RAG1: variants seen among roughly 807,000 people sequenced by gnomAD.
The protein encoded by RAG1 is V(D)J recombination-activating protein 1.
Under a neutral mutation model 62.7 loss-of-function variants are expected in RAG1, and 35 were observed. The observed-to-expected ratio is 0.56, with a 90% CI of 0.43 to 0.74. RAG1 has a LOEUF of 0.74. Ranked by LOEUF, RAG1 falls within the 30% of genes least tolerant of loss-of-function variation. RAG1 has a pLI of 0.00. For synonymous variants in RAG1, 461 were observed against 470.3 expected, an observed-to-expected ratio of 0.98 and a Z score of 0.26; for missense variants, 1,169 against 1,278.6, an observed-to-expected ratio of 0.91 and a Z score of 1.31.
Position 36,577,827 on chromosome 11 carries a change from G to A in RAG1, c.*1391G>A, listed in dbSNP as rs1850875260. On this transcript the variant is annotated 3_prime_UTR_variant, in exon 2 of 2. Coordinates refer to ENST00000299440, the MANE Select transcript of RAG1 (RefSeq NM_000448.3). ...ATAAGGTAGTATCAGAATTTTTTTA[G>A]GATTCACAACTAATCACTATAGCAC... The A allele has an allele frequency of 1.8e-5, 3 of 166,974 alleles. No individual in the cohort carries two copies. The highest frequency in any genetic ancestry group is 1.3e-4 in the Admixed American group (2 of 15,254). The allele number at this position is 166,974 out of a possible 1,614,324, so 10.3% of individuals were successfully genotyped here. A position where few individuals can be genotyped will look rare whatever the true frequency, so the allele number is the denominator to read the frequency against.
chr11:36,523,797 A>T (rs1326969369), intron 2 of RAG1, among the ~76,000 whole-genome samples: 1 of 152,192 alleles, frequency 6.6e-6, no homozygotes, highest in East Asian at 1.9e-4. Context: ...CAATTATAAG[A>T]TATAAGAAAT....
At chr11:36,524,126 C>T (rs1292707748) in intron 2 of RAG1, among the ~76,000 whole-genome samples, 1 of 152,020 alleles carries the variant, frequency 6.6e-6, no homozygotes, top group African/African-American at 2.4e-5. Flanking sequence ...TCTGTGTGAA[C>T]ATAAATTTTC....
At chr11:36,527,647 A>G (rs945751386) in intron 2 of RAG1, among the ~76,000 whole-genome samples, 3 of 152,132 alleles carry the variant, frequency 2.0e-5, no homozygotes, top group Middle Eastern at 3.2e-3. Flanking sequence ...TGTTGGGGAT[A>G]GCATTGAATC....
intron 3 of RAG1, among the ~76,000 whole-genome samples, chr11:36,544,450 A>G (rs1192517430): frequency 6.6e-6 from 1 of 152,086 alleles, no homozygotes; most frequent in Non-Finnish European, 1.5e-5. Context: ...GAATCTAAGA[A>G]TTTCTCTCTA....
At chr11:36,566,299 C>A (rs1379844987), upstream of RAG1, 1 of 152,164 alleles carries the variant, frequency 6.6e-6, no homozygotes, top group Admixed American at 6.5e-5. Context: ...CGGTGCTAAA[C>A]CAAGGAAAGT....
chr11:36,536,574 C>T (rs567983781), downstream of RAG1, among the ~76,000 whole-genome samples: 14 of 151,878 alleles, frequency 9.2e-5, no homozygotes, highest in East Asian at 1.6e-3. Flanking sequence ...AAACATTAAT[C>T]GTACTGTGCA....
At chr11:36,523,064 T>A (rs2133696903) in intron 2 of RAG1, among the ~76,000 whole-genome samples, 1 of 152,294 alleles carries the variant, frequency 6.6e-6, no homozygotes, top group East Asian at 1.9e-4. Context: ...ACTTTTGAGT[T>A]AATGCTGAAA....
Position 36,524,932 on chromosome 11 carries a change from C to G in RAG1, n.428+4703C>G, listed in dbSNP as rs917601268. 2.6e-5 allele frequency among the ~76,000 whole-genome samples: 4 copies of G among 152,144 alleles called. No individual in the cohort carries two copies. In the East Asian group the frequency reaches 5.8e-4, roughly 22 times the overall value. On this transcript the variant is annotated intron_variant and non_coding_transcript_variant, in intron 2 of 2. Coordinates refer to the RAG1 transcript ENST00000529126. ...CCCATTTTCTAATTGGATTGTTAGT[C>G]TTTTTTACTGTGATTCATTTTGAGT...
At chr11:36,545,766 T>A (rs1850384017) in intron 3 of RAG1, among the ~76,000 whole-genome samples, 1 of 152,216 alleles carries the variant, frequency 6.6e-6, no homozygotes, top group African/African-American at 2.4e-5. Flanking sequence ...AAATAAAGTT[T>A]AAGCTGTGTC....
chr11:36,527,828 G>A (rs1744089862), intron 2 of RAG1, among the ~76,000 whole-genome samples: 1 of 151,952 alleles, frequency 6.6e-6, no homozygotes, highest in African/African-American at 2.4e-5. Flanking sequence ...TATTCTCTTT[G>A]TGGCAATTGT....
intron 1 of RAG1, among the ~76,000 whole-genome samples, chr11:36,512,796 A>C (rs5030404): frequency 4.8e-4 from 73 of 152,348 alleles, no homozygotes; most frequent in African/African-American, 1.8e-3. Flanking sequence ...CTTTACTTTT[A>C]ATGGAAAAAA....
At chr11:36,516,960 G>A (rs1041988886) in intron 1 of RAG1, among the ~76,000 whole-genome samples, 9 of 152,182 alleles carry the variant, frequency 5.9e-5, no homozygotes, top group Non-Finnish European at 1.3e-4. Flanking sequence ...GAGGTTTATC[G>A]TTTAGGAAGT....
intron 3 of RAG1, among the ~76,000 whole-genome samples, chr11:36,551,206 T>A (rs1342572611): frequency 6.6e-6 from 1 of 152,154 alleles, no homozygotes; most frequent in African/African-American, 2.4e-5. Context: ...TGTATGTGCC[T>A]CAATGATAAG....
downstream of RAG1, among the ~76,000 whole-genome samples, chr11:36,536,607 T>G (rs1459201649): frequency 1.5e-5 from 2 of 134,538 alleles, no homozygotes; most frequent in African/African-American, 2.8e-5. Context: ...GTATGTGTAA[T>G]ATACTTCAAA....
chr11:36,576,667 A>T lies in RAG1; in HGVS notation c.*231A>T. On this transcript the variant is annotated 3_prime_UTR_variant, in exon 2 of 2. Transcript: ENST00000299440. ...GCAACAGGAAAAATCAGTTATCTGA[A>T]AGCTCAGTAACTCAGAACAGGAGTA... The T allele has an allele frequency of 1.8e-6, 1 of 567,054 alleles. No homozygotes were observed. Among genetic ancestry groups the T allele is most frequent in the Non-Finnish European group, 3.2e-6 (1 of 309,468 alleles). The allele number at this position is 567,054 out of a possible 1,614,324, so 35.1% of individuals were successfully genotyped here. A position where few individuals can be genotyped will look rare whatever the true frequency, so the allele number is the denominator to read the frequency against.
upstream of RAG1, among the ~76,000 whole-genome samples, chr11:36,566,903 A>G (rs1290958598): frequency 6.6e-6 from 1 of 152,206 alleles, no homozygotes; most frequent in Admixed American, 6.5e-5. Flanking sequence ...AGCACAGAAC[A>G]GTGAAATCCT....
At chr11:36,519,792 A>G (rs145703976) in intron 1 of RAG1, among the ~76,000 whole-genome samples, 124 of 152,264 alleles carry the variant, frequency 8.1e-4, no homozygotes, top group Non-Finnish European at 1.2e-3. Flanking sequence ...AAACCAAATG[A>G]ACATAACCCC....
At chr11:36,557,386 G>C (rs1426993668) in intron 3 of RAG1, among the ~76,000 whole-genome samples, 2 of 131,960 alleles carry the variant, frequency 1.5e-5, no homozygotes, top group Non-Finnish European at 1.6e-5. Context: ...AGGTGCGTCC[G>C]TCACCCCTTT....
Position 36,573,992 on chromosome 11 carries a change from T to G in RAG1, c.688T>G (p.Leu230Val). The change falls in exon 2 of 2, where the codon TTG (leucine) becomes GTG (valine). Residue 230 changes from leucine to valine, a missense_variant. Physicochemically the swap from Leu to Val is conservative, Grantham distance 32 (BLOSUM62 1). This residue lies in a region of RAG1 where 369 missense variants were observed against 335.3 expected (regional missense o/e 1.10). Transcript: ENST00000299440. ...CAAGAGGAAGAGTCTTCAGCCAAAC[T>G]TGCAGCTCAGCAAAAAACTCAAAAC... ...GLKRKSLQPN[L>V]QLSKKLKTVL... The G allele has an allele frequency of 6.2e-7, 1 of 1,614,096 alleles. No homozygotes were observed. The highest frequency in any genetic ancestry group is 1.7e-5 in the Admixed American group (1 of 60,014).
Sources: allele counts gnomAD v4.1 joint callset (sites outside exome capture counted in the v4.1 genomes callset), GRCh38; gene constraint gnomAD v4.1.1; regional missense constraint gnomAD v4.1.1; transcripts MANE v1.5; gene names NCBI Gene and HGNC (gene_info 2026-07-23, HGNC 2026-07-21).